SHANK2: variants seen among roughly 807,000 people sequenced by gnomAD.
SHANK2 encodes SH3 and multiple ankyrin repeat domains protein 2.
In SHANK2, 43 loss-of-function variants were observed where a neutral mutation model predicts 133.7. That is an observed-to-expected ratio of 0.32 (90% CI 0.25 to 0.41). SHANK2 has a LOEUF of 0.41. Ranked by LOEUF, SHANK2 falls within the 10% of genes least tolerant of loss-of-function variation. SHANK2 has a pLI of 1.00. For missense variants in SHANK2, 1,994 were observed against 2,235.8 expected (o/e 0.89, Z 2.18); for synonymous variants, 1,017 against 952.8 (o/e 1.07, Z -1.24).
chr11:70,954,238 A>T (rs1469286645), intron 10 of SHANK2, among the ~76,000 whole-genome samples: 1 of 152,188 alleles, frequency 6.6e-6, no homozygotes, highest in Non-Finnish European at 1.5e-5. Flanking sequence ...AGCCACCTGG[A>T]GGGAAGAGAA....
At chr11:70,521,572 A>C (rs1391889293) in intron 17 of SHANK2, among the ~76,000 whole-genome samples, 1 of 152,184 alleles carries the variant, frequency 6.6e-6, no homozygotes, top group Non-Finnish European at 1.5e-5. Context: ...AAATTAAAAC[A>C]AGTTATTTTG....
intron 17 of SHANK2, among the ~76,000 whole-genome samples, chr11:70,637,945 A>G (rs2061127914): frequency 6.6e-6 from 1 of 151,570 alleles, no homozygotes; most frequent in Admixed American, 6.6e-5. Context: ...CCATCAATTC[A>G]GGCCCACTGA....
At chr11:70,576,047 T>TC (rs1444180041) in intron 17 of SHANK2, among the ~76,000 whole-genome samples, 1 of 151,942 alleles carries the variant, frequency 6.6e-6, no homozygotes, top group African/African-American at 2.4e-5. Flanking sequence ...GGAAATGTGT[T>TC]CCCCCCTCTC....
intron 11 of SHANK2, chr11:70,826,335 ATCCCCTGACATGC>A (rs1438305516): frequency 2.4e-6 from 1 of 414,140 alleles, no homozygotes; most frequent in African/African-American, 2.1e-5. Flanking sequence ...CAAAGTCATT[ATCCCCTGACATGC>A]TAGGGATTAA....
chr11:70,949,874 C>T (rs1950807422), intron 10 of SHANK2, among the ~76,000 whole-genome samples: 1 of 152,224 alleles, frequency 6.6e-6, no homozygotes, highest in South Asian at 2.1e-4. Flanking sequence ...GAGTCGGGGC[C>T]TCTATGCCAA....
intron 1 of SHANK2, among the ~76,000 whole-genome samples, chr11:71,248,971 G>T (rs1227021923): frequency 1.3e-5 from 2 of 152,154 alleles, no homozygotes; most frequent in East Asian, 3.9e-4. Context: ...GCCAGTCCAG[G>T]CTTGGATGTG....
chr11:71,105,417 A>T (rs781891986), intron 6 of SHANK2, among the ~76,000 whole-genome samples: 1 of 151,770 alleles, frequency 6.6e-6, no homozygotes, highest in Non-Finnish European at 1.5e-5. Context: ...ACATGGTGAA[A>T]CCCCATCTCT....
At chr11:71,215,307 C>A (rs929705625) in intron 2 of SHANK2, among the ~76,000 whole-genome samples, 1 of 152,188 alleles carries the variant, frequency 6.6e-6, no homozygotes, top group African/African-American at 2.4e-5. Flanking sequence ...CTGCCCCCTG[C>A]GTCTGTACTT....
intron 14 of SHANK2, among the ~76,000 whole-genome samples, chr11:70,759,190 C>G (rs1408169993): frequency 7.1e-6 from 1 of 141,532 alleles, no homozygotes; most frequent in Non-Finnish European, 1.5e-5. Context: ...CAAACCAAAA[C>G]AAAACAAAAA....
intron 2 of SHANK2, among the ~76,000 whole-genome samples, chr11:71,192,854 C>T (rs1406391254): frequency 6.6e-6 from 1 of 152,176 alleles, no homozygotes; most frequent in Non-Finnish European, 1.5e-5. Flanking sequence ...TGCAATCATG[C>T]CTGCTTAATT....
chr11:70,671,260 G>A (rs987727094), intron 15 of SHANK2, among the ~76,000 whole-genome samples: 4 of 152,114 alleles, frequency 2.6e-5, no homozygotes, highest in Admixed American at 1.3e-4. Flanking sequence ...CTGCCGAGAC[G>A]AACGGAAACG....
intron 17 of SHANK2, among the ~76,000 whole-genome samples, chr11:70,646,828 ATTTTAT>A (rs1364689077): frequency 6.1e-5 from 4 of 65,534 alleles, no homozygotes; most frequent in African/African-American, 1.6e-4. Flanking sequence ...ACTTTTATTT[ATTTTAT>A]TTATTTATTT....
intron 17 of SHANK2, among the ~76,000 whole-genome samples, chr11:70,550,929 G>A (rs1300589876): frequency 1.3e-5 from 2 of 152,202 alleles, no homozygotes; most frequent in Non-Finnish European, 2.9e-5. Flanking sequence ...CTAGCCTCAT[G>A]AGCAGACACG....
At chr11:70,850,648 G>C (rs527824163) in intron 11 of SHANK2, among the ~76,000 whole-genome samples, 4 of 152,282 alleles carry the variant, frequency 2.6e-5, no homozygotes, top group Admixed American at 2.0e-4. Context: ...CTTGGGCCTC[G>C]AGTCACTGTG....
At chr11:70,793,647 T>C (rs996237201) in intron 14 of SHANK2, among the ~76,000 whole-genome samples, 10 of 152,154 alleles carry the variant, frequency 6.6e-5, no homozygotes, top group African/African-American at 2.4e-4. Context: ...TTCATATCTA[T>C]TAGAACAGCT....
intron 2 of SHANK2, among the ~76,000 whole-genome samples, chr11:71,219,645 C>T (rs1954494562): frequency 6.6e-6 from 1 of 151,982 alleles, no homozygotes; most frequent in African/African-American, 2.4e-5. Flanking sequence ...AATCCCAGCC[C>T]TTTGGGAGGC....
At chr11:70,672,913 G>A (rs1591733594) in intron 15 of SHANK2, among the ~76,000 whole-genome samples, 1 of 152,204 alleles carries the variant, frequency 6.6e-6, no homozygotes, top group South Asian at 2.1e-4. Context: ...AGCTGGCAGT[G>A]GGACCCTGGA....
intron 2 of SHANK2, among the ~76,000 whole-genome samples, chr11:71,211,684 A>G (rs1954286602): frequency 1.3e-5 from 2 of 149,062 alleles, no homozygotes; most frequent in Admixed American, 6.7e-5. Context: ...CTTAGCCATC[A>G]CTCCTCAAGC....
chr11:70,589,059 CT>C (rs1405184024), intron 17 of SHANK2, among the ~76,000 whole-genome samples: 1 of 152,246 alleles, frequency 6.6e-6, no homozygotes, highest in African/African-American at 2.4e-5. Context: ...CCTCATGACC[CT>C]TCCACCTCGG....
Sources: gnomAD v4.1 joint callset for allele counts (sites outside exome capture counted in the v4.1 genomes callset) on GRCh38, gnomAD v4.1.1 for gene constraint, MANE v1.5 for transcripts, NCBI Gene and HGNC (gene_info 2026-07-23, HGNC 2026-07-21) for gene names.